The following C16orf90 variants were observed in gnomAD, a reference collection of about 807,000 sequenced individuals.
C16orf90 encodes chromosome 16 open reading frame 90, also known as uncharacterized protein C16orf90.
C16orf90 carries 17 observed loss-of-function variants against 17.1 expected under a neutral mutation model. The ratio of observed to expected loss-of-function variants is 1.00; its 90% CI spans 0.68 to 1.49. The LOEUF is 1.49. Ranked by LOEUF, C16orf90 falls within the 40% of genes most tolerant of loss-of-function variation. The probability of loss-of-function intolerance (pLI) is 0.00; values close to 1 mark genes in which losing one functional copy is unlikely to be tolerated. For synonymous variants in C16orf90, 108 were observed against 95.8 expected (o/e 1.13, Z -0.75); for missense variants, 255 against 235.5 (o/e 1.08, Z -0.54).
Position 3,494,085 on chromosome 16 carries a change from C to A in C16orf90, c.401-98G>T, listed in dbSNP as rs528247606. The A allele has an allele frequency of 3.7e-5, 39 of 1,063,148 alleles. No individual in the cohort carries two copies. The South Asian group carries it at 5.6e-4, about 15-fold the overall frequency. The allele number at this position is 1,063,148 out of a possible 1,614,324, so 65.9% of individuals were successfully genotyped here. ...CCTGGGGTTTCCAGAATCCGATATT[C>A]TTGAAAACAGAAGGGAGGAGGGCAA... On this transcript the variant is annotated intron_variant, in intron 2 of 2. Coordinates refer to ENST00000437192, the MANE Select transcript of C16orf90 (RefSeq NM_001080524.2).
Position 3,494,827 on chromosome 16 carries a change from T to TG in C16orf90, c.96dup (p.Asn33GlnfsTer48), listed in dbSNP as rs750944601. On this transcript the variant is annotated frameshift_variant, in exon 2 of 3. Transcript: ENST00000437192. LOFTEE classifies it high-confidence loss of function. ...GACCCCAGGCCCCCCTCGTAGATGT[T>TG]GGGGGGTGCGTCAGGGTGGCCGGGG... is the stretch of plus-strand genomic sequence containing the variant. 3.2e-6 allele frequency: 5 copies of TG among 1,552,944 alleles called. No individual in the cohort carries two copies. In the South Asian group the frequency reaches 3.5e-5, roughly 11 times the overall value.
chr16:3,494,936 G>A, intron 1 of C16orf90, 59 bp from the exon 2 acceptor site: 1 of 1,283,970 alleles, frequency 7.8e-7, no homozygotes, highest in Non-Finnish European at 1.1e-6. Context: ...ATGAGGGGAG[G>A]GTGCAGTCAC....
At chr16:3,494,933 G>A (rs1048972893) in intron 1 of C16orf90, 56 bp from the exon 2 acceptor site, 1 of 1,313,034 alleles carries the variant, frequency 7.6e-7, no homozygotes, top group East Asian at 2.4e-5. Flanking sequence ...GCCATGAGGG[G>A]AGGGTGCAGT....
rs1461637054 is a variant in C16orf90, at chr16:3,493,981, C to A, written c.407G>T (p.Ser136Ile). 1.2e-6 allele frequency: 2 copies of A among 1,606,538 alleles called. No individual in the cohort carries two copies. Among genetic ancestry groups the A allele is most frequent in the Admixed American group, 1.7e-5 (1 of 59,424 alleles). ...PRDSLGSSAS[S>I]SSMDPDKGAL... is the part of the protein sequence containing the mutation. ...ACCCTTGTCTGGGTCCATGCTGGAA[C>A]TGGAAGCTGAGGAAAGAGGAGAGAA... The change falls in exon 3 of 3, where the codon AGT (serine) becomes ATT (isoleucine). Residue 136 changes from serine (S) to isoleucine (I), a missense_variant. Transcript: ENST00000437192.
rs1445375858 is a variant in C16orf90 at position 3,493,966 on chromosome 16, G to A, written c.422C>T (p.Pro141Leu). The change falls in exon 3 of 3, where the codon CCA becomes CTA. Residue 141 changes from proline (P) to leucine (L), a missense_variant. Coordinates refer to ENST00000437192, the MANE Select transcript of C16orf90 (RefSeq NM_001080524.2). Reference sequence around the variant, plus strand: ...AGGCTGGGGGAGGGCACCCTTGTCTGGGTCCATGCTGGAACTGGAAGCTGA... The same window carrying A: ...AGGCTGGGGGAGGGCACCCTTGTCTAGGTCCATGCTGGAACTGGAAGCTGA... ...GSSASSSSMD[P>L]DKGALPQPSP... 2.5e-6 allele frequency: 4 copies of A among 1,609,480 alleles called. No individual in the cohort carries two copies. In the Admixed American group the frequency reaches 5.0e-5, roughly 20 times the overall value.
Position 3,493,997 on chromosome 16 carries a change from G to A in C16orf90, c.401-10C>T, listed in dbSNP as rs752161517. 1.1e-5 allele frequency: 17 copies of A among 1,602,394 alleles called. No homozygotes were observed. The highest frequency in any genetic ancestry group is 4.0e-5 in the African/African-American group (3 of 74,754). Reference sequence around the variant, plus strand: ...ATGCTGGAACTGGAAGCTGAGGAAAGAGGAGAGAAAGGAGTCACTTGAGGG... The same window carrying A: ...ATGCTGGAACTGGAAGCTGAGGAAAAAGGAGAGAAAGGAGTCACTTGAGGG... On this transcript the variant is annotated splice_polypyrimidine_tract_variant and intron_variant, in intron 2 of 2. Coordinates refer to ENST00000437192, the MANE Select transcript of C16orf90 (RefSeq NM_001080524.2).
chr16:3,494,917 A>T, intron 1 of C16orf90, 40 bp from the exon 2 acceptor site: 1 of 1,397,722 alleles, frequency 7.2e-7, no homozygotes, highest in Non-Finnish European at 9.5e-7. Flanking sequence ...CCAGCCCCCC[A>T]CAGCAGCCAT....
rs1408605594 is a variant in C16orf90 at position 3,493,845 on chromosome 16, C to T, written c.543G>A (p.Arg181=). ...GTCCTGGCACTCGGGATCCCTATGG[C>T]CTCTCCAGGGCCCCAGAGCGGGTTC... ...CKRTRSGALE[R]P is the part of the protein sequence containing the mutation. Residue 181 remains arginine, a synonymous_variant, in exon 3 of 3, where the codon AGG becomes AGA. Coordinates refer to ENST00000437192, the MANE Select transcript of C16orf90 (RefSeq NM_001080524.2). 1 of 1,601,250 alleles carries T rather than the reference C, an allele frequency of 6.2e-7. No individual in the cohort carries two copies. Among genetic ancestry groups the T allele is most frequent in the East Asian group, 2.3e-5 (1 of 44,344 alleles).
Position 3,493,733 on chromosome 16 carries a change from G to T in C16orf90, c.*106C>A. On this transcript the variant is annotated 3_prime_UTR_variant, in exon 3 of 3. Transcript: ENST00000437192. Reference sequence around the variant, plus strand: ...GCCTGGGCGCTGGGCCGCTGCCTGGGCCACCCCATGTGGCAGGGCCACTGC... The same window carrying T: ...GCCTGGGCGCTGGGCCGCTGCCTGGTCCACCCCATGTGGCAGGGCCACTGC... 8.5e-7 allele frequency: 1 copy of T among 1,178,034 alleles called. No homozygotes were observed. Among genetic ancestry groups the T allele is most frequent in the Non-Finnish European group, 1.2e-6 (1 of 852,986 alleles). 73.0% of individuals were successfully genotyped at this position (1,178,034 alleles called of 1,614,324 possible). A position where few individuals can be genotyped will look rare whatever the true frequency, so the allele number is the denominator to read the frequency against.
chr16:3,494,732 GC>G lies in C16orf90; in HGVS notation c.191del (p.Gly64AlafsTer197). On this transcript the variant is annotated frameshift_variant, in exon 2 of 3. Coordinates refer to ENST00000437192, the MANE Select transcript of C16orf90 (RefSeq NM_001080524.2). LOFTEE classifies it high-confidence loss of function. The stretch of plus-strand genomic sequence containing the variant: ...GGTGGCTCTCCAGGTAGAGGCCCAG[GC>G]CCCGGAGGTGGCGCAGCCGGAAGTT... Reference protein sequence around the residue: ...PKNFRLRHLRGLGLYLESHPP... With the variant: ...PKNFRLRHLRXLGLYLESHPP... The G allele has an allele frequency of 6.2e-7, 1 of 1,605,458 alleles. No individual in the cohort carries two copies. The highest frequency in any genetic ancestry group is 8.5e-7 in the Non-Finnish European group (1 of 1,176,776).
At position 3,493,858 on chromosome 16, in the gene C16orf90, C is replaced by T; in HGVS notation, c.530G>A (p.Gly177Glu). The change falls in exon 3 of 3, where the codon GGG becomes GAG. Residue 177 changes from glycine (G) to glutamate (E), a missense_variant. Coordinates refer to ENST00000437192, the MANE Select transcript of C16orf90 (RefSeq NM_001080524.2). The stretch of plus-strand genomic sequence containing the variant: ...GGATCCCTATGGCCTCTCCAGGGCC[C>T]CAGAGCGGGTTCTCTTGCACAAGGG... The part of the protein sequence containing the change: ...MCPLCKRTRS[G>E]ALERP 1 of 1,604,622 alleles carries T rather than the reference C, an allele frequency of 6.2e-7. No homozygotes were observed.
At position 3,493,775 on chromosome 16, in the gene C16orf90, C is replaced by T; in HGVS notation, c.*64G>A. ...GGCCACTGCCGGGGGCCGAGCCCCT[C>T]CTGCTCAGGCTGCCTCCTCGGCCAT... On this transcript the variant is annotated 3_prime_UTR_variant, in exon 3 of 3. Transcript: ENST00000437192. 1.3e-6 allele frequency: 2 copies of T among 1,508,568 alleles called. No individual in the cohort carries two copies. The highest frequency in any genetic ancestry group is 1.8e-6 in the Non-Finnish European group (2 of 1,118,186). 93.4% of individuals were successfully genotyped at this position (1,508,568 alleles called of 1,614,324 possible).
rs371165617 is a variant in C16orf90 at position 3,493,804 on chromosome 16, G to A, written c.*35C>T. The stretch of plus-strand genomic sequence containing the variant: ...CTCAGGCTGCCTCCTCGGCCATCCT[G>A]CCCCTCCTGTACCCAGTCCTGGCAC... On this transcript the variant is annotated 3_prime_UTR_variant, in exon 3 of 3. Coordinates refer to ENST00000437192, the MANE Select transcript of C16orf90 (RefSeq NM_001080524.2). The A allele has an allele frequency of 1.3e-6, 2 of 1,560,234 alleles. No individual in the cohort carries two copies. The highest frequency in any genetic ancestry group is 8.7e-7 in the Non-Finnish European group (1 of 1,150,906).
chr16:3,494,205 T>C (rs1434752447), intron 2 of C16orf90, among the ~76,000 whole-genome samples: 3 of 152,102 alleles, frequency 2.0e-5, no homozygotes, highest in Admixed American at 6.5e-5. Flanking sequence ...TGAACCCTCA[T>C]TTTACAAGTG....
chr16:3,494,737 G>C lies in C16orf90; in HGVS notation c.187C>G (p.Arg63Gly), dbSNP rs543343949. ...KPKNFRLRHL[R>G]GLGLYLESHP... ...CTCTCCAGGTAGAGGCCCAGGCCCC[G>C]GAGGTGGCGCAGCCGGAAGTTCTTG... is the stretch of plus-strand genomic sequence containing the variant. The change falls in exon 2 of 3, where the codon CGG (arginine) becomes GGG (glycine). Residue 63 changes from arginine to glycine, a missense_variant. Coordinates refer to ENST00000437192, the MANE Select transcript of C16orf90 (RefSeq NM_001080524.2). 7.5e-6 allele frequency: 12 copies of C among 1,605,162 alleles called. No individual in the cohort carries two copies. The highest frequency in any genetic ancestry group is 1.3e-5 in the African/African-American group (1 of 74,802).
At chr16:3,494,487 C>T (rs780458844) in intron 2 of C16orf90, 37 bp downstream of exon 2, 4 of 1,572,644 alleles carry the variant, frequency 2.5e-6, no homozygotes, top group Non-Finnish European at 3.5e-6. Context: ...CCCCTAGGGT[C>T]TTCCCCCGTG....
At chr16:3,495,539 C>A, upstream of C16orf90, 2 of 1,517,866 alleles carry the variant, frequency 1.3e-6, no homozygotes, top group Non-Finnish European at 1.8e-6. Context: ...TATGACATCA[C>A]GGGGAAGACT....
At chr16:3,494,034 G>C (rs1427974237) in intron 2 of C16orf90, 47 bp from the exon 3 acceptor site, 2 of 1,554,980 alleles carry the variant, frequency 1.3e-6, no homozygotes, top group East Asian at 4.6e-5. Context: ...CCCAAGGGGA[G>C]GCTGGGGGGG....
At chr16:3,496,626 G>T (rs2037314491), upstream of C16orf90, 32 of 532,404 alleles carry the variant, frequency 6.0e-5, no homozygotes, top group South Asian at 4.4e-4. Flanking sequence ...CTACTCTCCG[G>T]TCTTCGCAAG....
Sources: allele counts gnomAD v4.1 joint callset (sites outside exome capture counted in the v4.1 genomes callset), GRCh38; gene constraint gnomAD v4.1.1; transcripts MANE v1.5; gene names NCBI Gene and HGNC (gene_info 2026-07-23, HGNC 2026-07-21).